The following DLC1 variants were observed in gnomAD, a reference collection of about 807,000 sequenced individuals.
DLC1 encodes the protein DLC1 Rho GTPase activating protein.
In DLC1, 54 loss-of-function variants were observed where a neutral mutation model predicts 140.3. That is an observed-to-expected ratio of 0.38 (90% CI 0.31 to 0.48). The LOEUF (loss-of-function observed/expected upper bound fraction) is 0.48. DLC1 is among the 20% of genes least tolerant of loss of function. The pLI is 0.96. For synonymous variants in DLC1, 986 were observed against 728.1 expected (o/e 1.35, Z -5.70); for missense variants, 2,536 against 1,907.0 (o/e 1.33, Z -6.14).
intron 1 of DLC1, among the ~76,000 whole-genome samples, chr8:13,529,801 A>G (rs547929447): frequency 6.6e-6 from 1 of 152,246 alleles, no homozygotes; most frequent in Admixed American, 6.5e-5. Flanking sequence ...TGTAATACAA[A>G]TATTTGTTAC....
chr8:13,498,518 C>A (rs1801618546), intron 2 of DLC1, among the ~76,000 whole-genome samples: 1 of 152,072 alleles, frequency 6.6e-6, no homozygotes, highest in Non-Finnish European at 1.5e-5. Flanking sequence ...GCCAGGGTAT[C>A]ACTTAAAATG....
intron 4 of DLC1, among the ~76,000 whole-genome samples, chr8:13,391,671 G>C (rs1836767919): frequency 6.6e-6 from 1 of 151,874 alleles, no homozygotes; most frequent in Non-Finnish European, 1.5e-5. Context: ...ATAAACACAG[G>C]GGTAACTGAA....
At chr8:13,356,339 G>A (rs528089226) in intron 4 of DLC1, among the ~76,000 whole-genome samples, 64 of 152,232 alleles carry the variant, frequency 4.2e-4, no homozygotes, top group African/African-American at 1.5e-3. Flanking sequence ...AGGAAATTTA[G>A]TCTTAAATAG....
At chr8:13,471,619 C>A (rs1267015846) in intron 2 of DLC1, among the ~76,000 whole-genome samples, 1 of 151,252 alleles carries the variant, frequency 6.6e-6, no homozygotes, top group Non-Finnish European at 1.5e-5. Context: ...ATGATCTGTA[C>A]AACAAAACCC....
chr8:13,446,024 G>A lies in DLC1; in HGVS notation c.1024-44405C>T, dbSNP rs922758283. 3.4e-4 allele frequency among the ~76,000 whole-genome samples: 52 copies of A among 152,174 alleles called. 1 individual carries two copies. Among genetic ancestry groups the A allele is most frequent in the Admixed American group, 1.8e-3 (28 of 15,280 alleles). ...TTGACTGAAATAGTGATCAGCTCAC[G>A]GGCAAAATCCTTTCTATACACGGTT... is the stretch of plus-strand genomic sequence containing the variant. On this transcript the variant is annotated intron_variant, in intron 2 of 17. Transcript: ENST00000276297.
intron 2 of DLC1, among the ~76,000 whole-genome samples, chr8:13,479,301 T>C (rs1800574923): frequency 6.6e-6 from 1 of 152,190 alleles, no homozygotes; most frequent in East Asian, 1.9e-4. Flanking sequence ...TGGATATATC[T>C]GAAGACCAAG....
In DLC1 at chr8:13,218,539, C is replaced by T. The variant is rs61163366; in HGVS notation, c.1348+86730G>A. Among the ~76,000 whole-genome samples the T allele has an allele frequency of 2.4e-3, 357 of 151,836 alleles. 3 individuals carry two copies. Among genetic ancestry groups the T allele is most frequent in the African/African-American group, 7.8e-3 (322 of 41,434 alleles). ...TGAAAAGATGCTCAGGGTTACTAGC[C>T]ATTAGGGAATTGCAAATCAAAACTA... On this transcript the variant is annotated intron_variant, in intron 5 of 17. Coordinates refer to ENST00000276297, the MANE Select transcript of DLC1 (RefSeq NM_182643.3).
At chr8:13,478,903 A>T (rs545522906) in intron 2 of DLC1, among the ~76,000 whole-genome samples, 2 of 152,250 alleles carry the variant, frequency 1.3e-5, no homozygotes, top group African/African-American at 4.8e-5. Flanking sequence ...AAACTTGCCT[A>T]AACAAGCTGG....
At chr8:13,300,270 G>A (rs1254029556) in intron 5 of DLC1, among the ~76,000 whole-genome samples, 1 of 152,098 alleles carries the variant, frequency 6.6e-6, no homozygotes, top group East Asian at 1.9e-4. Flanking sequence ...AACAGTCACT[G>A]GGCCTTTTTT....
chr8:13,505,536 G>A (rs1181512795), intron 1 of DLC1, among the ~76,000 whole-genome samples: 1 of 152,082 alleles, frequency 6.6e-6, no homozygotes, highest in Non-Finnish European at 1.5e-5. Context: ...GTAATTTTAA[G>A]GTTAAGCTGA....
intron 1 of DLC1, among the ~76,000 whole-genome samples, chr8:13,537,808 C>T (rs1217212243): frequency 5.9e-5 from 9 of 151,974 alleles, no homozygotes; most frequent in Non-Finnish European, 2.9e-5. Flanking sequence ...CGCCCGCCAC[C>T]ATGCCCGCCT....
chr8:13,126,353 A>G (rs1036281913), intron 5 of DLC1, among the ~76,000 whole-genome samples: 15 of 145,132 alleles, frequency 1.0e-4, no homozygotes, highest in African/African-American at 4.0e-4. Flanking sequence ...AGGGACACAC[A>G]TATCTCTCTA....
At chr8:13,087,958 C>G (rs546615984) in intron 16 of DLC1, among the ~76,000 whole-genome samples, 3 of 152,330 alleles carry the variant, frequency 2.0e-5, no homozygotes, top group East Asian at 3.9e-4. Context: ...TGGAAGGGGC[C>G]TCTCTTTCTG....
At chr8:13,391,020 G>A (rs1265869969) in intron 4 of DLC1, among the ~76,000 whole-genome samples, 1 of 144,250 alleles carries the variant, frequency 6.9e-6, no homozygotes. Flanking sequence ...AAAATAGCCT[G>A]TTTTTCAAGT....
chr8:13,556,575 C>G (rs1563438858), intron 1 of DLC1, among the ~76,000 whole-genome samples: 1 of 152,134 alleles, frequency 6.6e-6, no homozygotes, highest in Non-Finnish European at 1.5e-5. Context: ...TCAAGAGATT[C>G]TGGGCAGAGG....
Position 13,099,731 on chromosome 8 carries a change from G to A in DLC1, c.2606C>T (p.Ser869Phe). ...GCTCAGGCGGCTGCTCATGGAGCTG[G>A]AAGAATTGCGTCTCTTCAGTTCCTT... ...SPKELKRRNS[S>F]SSMSSRLSIY... The change falls in exon 9 of 18, where the codon TCC (serine) becomes TTC (phenylalanine). Residue 869 changes from serine to phenylalanine, a missense_variant. Transcript: ENST00000276297. 6.2e-7 allele frequency: 1 copy of A among 1,614,178 alleles called. No homozygotes were observed. Among genetic ancestry groups the A allele is most frequent in the Non-Finnish European group, 8.5e-7 (1 of 1,180,028 alleles).
intron 5 of DLC1, among the ~76,000 whole-genome samples, chr8:13,167,650 C>A (rs74412680): frequency 0.021 from 3,180 of 152,276 alleles, 109 homozygotes; most frequent in African/African-American, 0.072. Context: ...TGTTAATTTG[C>A]ATATTGGATG....
intron 7 of DLC1, among the ~76,000 whole-genome samples, chr8:13,107,206 A>G (rs959744639): frequency 4.6e-5 from 7 of 152,314 alleles, no homozygotes; most frequent in African/African-American, 1.7e-4. Context: ...GCCAAACTTT[A>G]TATTTAAGAC....
At chr8:13,194,834 C>T (rs896883529) in intron 5 of DLC1, among the ~76,000 whole-genome samples, 4 of 151,956 alleles carry the variant, frequency 2.6e-5, no homozygotes, top group Admixed American at 1.3e-4. Flanking sequence ...ATAGAGAGAC[C>T]CCCATCTTTA....
Sources: allele counts gnomAD v4.1 joint callset (sites outside exome capture counted in the v4.1 genomes callset), GRCh38; gene constraint gnomAD v4.1.1; transcripts MANE v1.5; gene names NCBI Gene and HGNC (gene_info 2026-07-23, HGNC 2026-07-21).